Variants in PNPLA3 observed in about 807,000 individuals in gnomAD.
PNPLA3 encodes the protein 1-acylglycerol-3-phosphate O-acyltransferase PNPLA3.
A neutral mutation model predicts 43.1 loss-of-function variants in PNPLA3; 42 were observed. That is an observed-to-expected ratio of 0.97 (90% CI 0.76 to 1.26). PNPLA3 has a LOEUF of 1.26. PNPLA3 is among the 50% of genes most tolerant of loss of function. The pLI, the probability that PNPLA3 is intolerant of heterozygous loss-of-function variation, is 0.00. For missense variants in PNPLA3, 647 were observed against 621.4 expected (o/e 1.04, Z -0.44); for synonymous variants, 272 against 253.6 (o/e 1.07, Z -0.69).
chr22:43,930,369 A>G (rs373023453), intron 3 of PNPLA3, among the ~76,000 whole-genome samples: 1 of 152,334 alleles, frequency 6.6e-6, no homozygotes, highest in East Asian at 1.9e-4. Context: ...ATAGTGGTCC[A>G]CGGAGCCACT....
At chr22:43,935,190 T>G (rs1363549480) in intron 5 of PNPLA3, among the ~76,000 whole-genome samples, 2 of 152,128 alleles carry the variant, frequency 1.3e-5, no homozygotes, top group Admixed American at 6.6e-5. Flanking sequence ...GTAGAAATAT[T>G]AGAGTGGAAG....
chr22:43,940,509 C>A (rs1478201751), intron 7 of PNPLA3, among the ~76,000 whole-genome samples: 1 of 152,222 alleles, frequency 6.6e-6, no homozygotes, highest in East Asian at 1.9e-4. Context: ...TGAGCTGTTT[C>A]CATTTAAAAT....
At chr22:43,935,687 G>A (rs1049652003) in intron 5 of PNPLA3, among the ~76,000 whole-genome samples, 4 of 152,016 alleles carry the variant, frequency 2.6e-5, no homozygotes, top group African/African-American at 9.7e-5. Flanking sequence ...GACACTAAGA[G>A]ATGGCTGGAA....
Position 43,947,061 on chromosome 22 carries a change from T to TAAA in PNPLA3, c.*690_*692dup, listed in dbSNP as rs397716964. On this transcript the variant is annotated 3_prime_UTR_variant, in exon 9 of 9. Coordinates refer to ENST00000216180, the MANE Select transcript of PNPLA3 (RefSeq NM_025225.3). ...AGTGAGATGTTAGTAGAATAAGCCT[T>TAAA]AAAAAAAAAAAAATCGGTTGGGTGC... 8.1e-3 allele frequency: 1,444 copies of TAAA among 178,764 alleles called. No homozygotes were observed. The highest frequency in any genetic ancestry group is 0.024 in the South Asian group (237 of 9,852). 11.1% of individuals were successfully genotyped at this position (178,764 alleles called of 1,614,324 possible). A position where few individuals can be genotyped will look rare whatever the true frequency, so the allele number is the denominator to read the frequency against.
At chr22:43,940,782 C>G (rs1462847253) in intron 7 of PNPLA3, among the ~76,000 whole-genome samples, 2 of 151,976 alleles carry the variant, frequency 1.3e-5, no homozygotes, top group Non-Finnish European at 2.9e-5. Flanking sequence ...GCACTCCAGC[C>G]TGGGTGACAG....
At chr22:43,939,082 C>A (rs920033594) in intron 6 of PNPLA3, among the ~76,000 whole-genome samples, 1 of 152,084 alleles carries the variant, frequency 6.6e-6, no homozygotes, top group African/African-American at 2.4e-5. Context: ...CACACCACCA[C>A]GCCTGGCTAA....
intron 3 of PNPLA3, among the ~76,000 whole-genome samples, chr22:43,932,008 G>A (rs78025921): frequency 0.013 from 1,966 of 152,206 alleles, 50 homozygotes; most frequent in African/African-American, 0.045. Context: ...AAATTCCTCC[G>A]TGTGGAAGGG....
At chr22:43,929,438 T>C (rs1276654484) in intron 3 of PNPLA3, among the ~76,000 whole-genome samples, 2 of 143,634 alleles carry the variant, frequency 1.4e-5, no homozygotes, top group African/African-American at 5.2e-5. Context: ...ATCGCACCAC[T>C]GCACTCCATC....
intron 3 of PNPLA3, among the ~76,000 whole-genome samples, chr22:43,930,605 C>T (rs921064828): frequency 6.6e-6 from 1 of 152,182 alleles, no homozygotes; most frequent in African/African-American, 2.4e-5. Flanking sequence ...GAGTTTCAAG[C>T]CCTCTGGGTC....
At chr22:43,933,707 GAAC>G (rs2049976443) in intron 4 of PNPLA3, among the ~76,000 whole-genome samples, 1 of 152,216 alleles carries the variant, frequency 6.6e-6, no homozygotes, top group Admixed American at 6.5e-5. Context: ...ACACGGTCAA[GAAC>G]AACTGCGTTC....
intron 7 of PNPLA3, among the ~76,000 whole-genome samples, chr22:43,944,488 T>A (rs182906596): frequency 2.2e-4 from 34 of 152,290 alleles, no homozygotes; most frequent in Admixed American, 9.2e-4. Flanking sequence ...TGTAAGTCCC[T>A]TGAGCTTTCT....
intron 5 of PNPLA3, among the ~76,000 whole-genome samples, 159 bp downstream of exon 5, chr22:43,934,825 G>A (rs182808137): frequency 1.3e-5 from 2 of 152,126 alleles, no homozygotes; most frequent in South Asian, 2.1e-4. Flanking sequence ...GGAAATCTCC[G>A]TCCCATTGTA....
At position 43,934,622 on chromosome 22, in the gene PNPLA3, G is replaced by A; in HGVS notation, c.713G>A (p.Cys238Tyr). 1 of 1,613,960 alleles carries A rather than the reference G, an allele frequency of 6.2e-7. No homozygotes were observed. Among genetic ancestry groups the A allele is most frequent in the South Asian group, 1.1e-5 (1 of 91,072 alleles). ...PPDLKVLGEI[C>Y]LRGYLDAFRF... ...TGCTCACAGGTGCTGGGAGAGATAT[G>A]CCTTCGAGGATATTTGGATGCATTC... is the stretch of plus-strand genomic sequence containing the variant. The change falls in exon 5 of 9, where the codon TGC (cysteine) becomes TAC (tyrosine). Residue 238 changes from cysteine (C) to tyrosine (Y), a missense_variant. Physicochemically the swap from Cys to Tyr is radical, Grantham distance 194. Coordinates refer to ENST00000216180, the MANE Select transcript of PNPLA3 (RefSeq NM_025225.3).
intron 1 of PNPLA3, among the ~76,000 whole-genome samples, chr22:43,925,942 C>G (rs1488862568): frequency 6.6e-6 from 1 of 152,200 alleles, no homozygotes; most frequent in Admixed American, 6.5e-5. Context: ...CTGGGGCTTT[C>G]CCAGGCAGGA....
chr22:43,928,027 C>G (rs1045500938), intron 2 of PNPLA3, among the ~76,000 whole-genome samples: 3 of 152,338 alleles, frequency 2.0e-5, no homozygotes, highest in African/African-American at 7.2e-5. Context: ...AGGGTGGGAA[C>G]GTGCCTTATT....
At chr22:43,932,468 C>T (rs1056055025) in intron 3 of PNPLA3, among the ~76,000 whole-genome samples, 2 of 152,150 alleles carry the variant, frequency 1.3e-5, no homozygotes, top group African/African-American at 4.8e-5. Flanking sequence ...CCATGTTTCT[C>T]CTTTGGGTTT....
chr22:43,924,334 C>G, intron 1 of PNPLA3: 2 of 516,612 alleles, frequency 3.9e-6, no homozygotes, highest in South Asian at 3.0e-5. Context: ...CTGGGACTCT[C>G]GTGCGTCCCC....
chr22:43,933,700 C>T (rs78569621), intron 4 of PNPLA3, among the ~76,000 whole-genome samples: 1,603 of 152,278 alleles, frequency 0.011, 14 homozygotes, highest in Non-Finnish European at 0.017. Context: ...TTTGGAAACA[C>T]GGTCAAGAAC....
rs762500400 is a variant in PNPLA3, at chr22:43,947,029, G to T, written c.*647G>T. The T allele has an allele frequency of 1.2e-5, 3 of 253,930 alleles. No individual in the cohort carries two copies. The highest frequency in any genetic ancestry group is 2.3e-5 in the Non-Finnish European group (3 of 130,080). 15.7% of individuals were successfully genotyped at this position (253,930 alleles called of 1,614,324 possible). On this transcript the variant is annotated 3_prime_UTR_variant, in exon 9 of 9. Transcript: ENST00000216180. ...TGTTACCTGTTGAATTTTGTATTAT[G>T]TGAATCAGTGAGATGTTAGTAGAAT... is the stretch of plus-strand genomic sequence containing the variant.
Sources: gnomAD v4.1 joint callset for allele counts (sites outside exome capture counted in the v4.1 genomes callset) on GRCh38, gnomAD v4.1.1 for gene constraint, MANE v1.5 for transcripts, NCBI Gene and HGNC (gene_info 2026-07-23, HGNC 2026-07-21) for gene names.